MASTL: variants seen among roughly 807,000 people sequenced by gnomAD.
The protein encoded by MASTL is microtubule associated serine/threonine kinase like, also known as serine/threonine-protein kinase greatwall.
MASTL carries 54 observed loss-of-function variants against 82.5 expected under a neutral mutation model. The observed-to-expected ratio is 0.65, with a 90% CI of 0.53 to 0.82. The LOEUF (loss-of-function observed/expected upper bound fraction) is 0.82. Ranked by LOEUF, MASTL falls within the 40% of genes least tolerant of loss-of-function variation. The pLI, the probability that MASTL is intolerant of heterozygous loss-of-function variation, is 0.00. For synonymous variants in MASTL, 323 were observed against 368.9 expected (o/e 0.88, Z 1.43); for missense variants, 950 against 1,047.8 (o/e 0.91, Z 1.29).
chr10:27,178,881 A>G (rs1014086135), intron 9 of MASTL, among the ~76,000 whole-genome samples: 2 of 152,076 alleles, frequency 1.3e-5, no homozygotes, highest in Non-Finnish European at 2.9e-5. Context: ...TTTTTATAGT[A>G]TTATAGAAAT....
Position 27,158,530 on chromosome 10 carries a change from T to G in MASTL, c.187-19T>G. 6.4e-7 allele frequency: 1 copy of G among 1,554,054 alleles called. No homozygotes were observed. The highest frequency in any genetic ancestry group is 8.9e-7 in the Non-Finnish European group (1 of 1,125,578). On this transcript the variant is annotated intron_variant, in intron 1 of 11. Transcript: ENST00000375940. ...CAAAATAAAATAACATGATATCACT[T>G]TTATTTTATCTATTACAGGTTGTTA...
chr10:27,156,319 C>G (rs1192581874), intron 1 of MASTL, among the ~76,000 whole-genome samples: 3 of 152,160 alleles, frequency 2.0e-5, no homozygotes, highest in East Asian at 1.9e-4. Context: ...CCACCGCGCC[C>G]GGCGAGTTAG....
intron 3 of MASTL, 72 bp from the exon 4 acceptor site, chr10:27,161,020 CTT>C: frequency 1.0e-6 from 1 of 998,782 alleles, no homozygotes; most frequent in East Asian, 2.4e-5. Flanking sequence ...CTTTGTAACT[CTT>C]TTTTTCTGGA....
chr10:27,186,726 C>A lies in MASTL; in HGVS notation c.*190C>A. On this transcript the variant is annotated 3_prime_UTR_variant, in exon 12 of 12. Transcript: ENST00000375940. ...GAATATAGTCAGTAATTTATCTTAA[C>A]CTCAAAACTGTATATAAATCTTCAA... The A allele has an allele frequency of 1.7e-6, 1 of 600,886 alleles. No individual in the cohort carries two copies. Among genetic ancestry groups the A allele is most frequent in the East Asian group, 2.9e-5 (1 of 34,918 alleles). The allele number at this position is 600,886 out of a possible 1,614,324, so 37.2% of individuals were successfully genotyped here.
At chr10:27,175,949 T>C (rs538471586) in intron 9 of MASTL, among the ~76,000 whole-genome samples, 1 of 151,956 alleles carries the variant, frequency 6.6e-6, no homozygotes, top group African/African-American at 2.4e-5. Context: ...ATACAAAAAT[T>C]AGCCAGGCGT....
At chr10:27,171,823 T>TAC (rs2057950850) in intron 8 of MASTL, among the ~76,000 whole-genome samples, 1 of 104,288 alleles carries the variant, frequency 9.6e-6, no homozygotes, top group Non-Finnish European at 1.9e-5. Context: ...AAAAATATGT[T>TAC]TCTTTTTTTT....
chr10:27,174,593 G>A (rs10466099), intron 9 of MASTL, among the ~76,000 whole-genome samples: 15,313 of 152,052 alleles, frequency 0.1, 2,526 homozygotes, highest in African/African-American at 0.35. Flanking sequence ...AACCTGTAGG[G>A]AAATCCTTCT....
At chr10:27,181,115 T>C (rs1314430588) in intron 10 of MASTL, 49 bp downstream of exon 10, 7 of 1,361,494 alleles carry the variant, frequency 5.1e-6, no homozygotes, top group Non-Finnish European at 6.3e-6. Flanking sequence ...CTGGGCATAG[T>C]GGCCCATGCC....
At chr10:27,171,410 AATT>A (rs71386919) in intron 8 of MASTL, among the ~76,000 whole-genome samples, 12,856 of 144,594 alleles carry the variant, frequency 0.089, 1,326 homozygotes, top group African/African-American at 0.25. Context: ...TGAGTTACAA[AATT>A]ATTATTATTA....
chr10:27,186,465 G>T lies in MASTL; in HGVS notation c.2569G>T (p.Glu857Ter), dbSNP rs1384994595. The T allele has an allele frequency of 6.2e-7, 1 of 1,614,130 alleles. No individual in the cohort carries two copies. ...TMPFIPQPDD[E>*]TDTSYFEARN... The stretch of plus-strand genomic sequence containing the variant: ...GCCTTTCATCCCCCAGCCAGATGAT[G>T]AAACAGATACCTCCTATTTTGAAGC... Residue 857 changes from glutamate to a stop codon, truncating the protein, a stop_gained, in exon 12 of 12, where the codon GAA becomes TAA. Coordinates refer to ENST00000375940, the MANE Select transcript of MASTL (RefSeq NM_001172303.3). LOFTEE classifies it high-confidence loss of function.
At position 27,186,407 on chromosome 10, in the gene MASTL, TGTG is replaced by T; in HGVS notation, c.2513_2515del (p.Val838del). The T allele has an allele frequency of 1.9e-6, 3 of 1,614,214 alleles. No individual in the cohort carries two copies. The highest frequency in any genetic ancestry group is 2.5e-6 in the Non-Finnish European group (3 of 1,180,024). Reference sequence around the variant, plus strand: ...TAAAACGTCATCCTCTCTTCAGTGATGTGGACTGGGAAAATCTGCAGCATCAGA... The same window carrying T: ...TAAAACGTCATCCTCTCTTCAGTGATGACTGGGAAAATCTGCAGCATCAGA... On this transcript the variant is annotated inframe_deletion, in exon 12 of 12. Coordinates refer to ENST00000375940, the MANE Select transcript of MASTL (RefSeq NM_001172303.3).
chr10:27,163,909 C>T (rs1021268271), intron 4 of MASTL, among the ~76,000 whole-genome samples: 1 of 151,234 alleles, frequency 6.6e-6, no homozygotes, highest in Non-Finnish European at 1.5e-5. Flanking sequence ...GGATTACAGG[C>T]GTGAACCACC....
At chr10:27,156,129 C>G (rs12266661) in intron 1 of MASTL, among the ~76,000 whole-genome samples, 15,273 of 152,146 alleles carry the variant, frequency 0.1, 2,506 homozygotes, top group African/African-American at 0.34. Context: ...CTCGGCCTCC[C>G]GACGAGCTGG....
At chr10:27,184,359 C>G (rs2058510229) in intron 11 of MASTL, among the ~76,000 whole-genome samples, 1 of 152,036 alleles carries the variant, frequency 6.6e-6, no homozygotes, top group Non-Finnish European at 1.5e-5. Flanking sequence ...TCAGCTCTAG[C>G]TTTTTCAAGG....
intron 8 of MASTL, among the ~76,000 whole-genome samples, chr10:27,171,821 G>GTTTAT (rs1176510939): frequency 1.4e-4 from 10 of 71,242 alleles, no homozygotes; most frequent in South Asian, 1.2e-3. Context: ...TGAAAAATAT[G>GTTTAT]TTTCTTTTTT....
chr10:27,161,469 A>G (rs1046151132), intron 4 of MASTL, among the ~76,000 whole-genome samples: 2 of 151,978 alleles, frequency 1.3e-5, no homozygotes, highest in African/African-American at 4.8e-5. Flanking sequence ...AGATCCCGCC[A>G]TTGCACTCCA....
intron 9 of MASTL, among the ~76,000 whole-genome samples, chr10:27,178,752 A>G (rs956564040): frequency 2.6e-5 from 4 of 151,950 alleles, no homozygotes; most frequent in Non-Finnish European, 5.9e-5. Context: ...TAAAATAAGG[A>G]AATTTTTTTT....
chr10:27,160,969 T>A, intron 3 of MASTL, 125 bp from the exon 4 acceptor site: 1 of 701,334 alleles, frequency 1.4e-6, no homozygotes, highest in Non-Finnish European at 2.6e-6. Context: ...AAGCCATCAA[T>A]GAGTATCTTT....
At chr10:27,185,530 G>A (rs2058652657) in intron 11 of MASTL, among the ~76,000 whole-genome samples, 1 of 151,442 alleles carries the variant, frequency 6.6e-6, no homozygotes, top group South Asian at 2.1e-4. Flanking sequence ...CTACTCAGGA[G>A]GATGAGGTGG....
Sources: allele counts gnomAD v4.1 joint callset (sites outside exome capture counted in the v4.1 genomes callset), GRCh38; gene constraint gnomAD v4.1.1; transcripts MANE v1.5; gene names NCBI Gene and HGNC (gene_info 2026-07-23, HGNC 2026-07-21).